CHAC2: variants seen among roughly 807,000 people sequenced by gnomAD.
CHAC2 encodes the protein ChaC glutathione specific gamma-glutamylcyclotransferase 2, also known as glutathione-specific gamma-glutamylcyclotransferase 2.
In CHAC2, 20 loss-of-function variants were observed where a neutral mutation model predicts 16.9. The observed-to-expected ratio is 1.18, with a 90% CI of 0.83 to 1.72. CHAC2 has a LOEUF of 1.72. Among genes scored for constraint, CHAC2 ranks in the 40% most tolerant of loss-of-function variants. The pLI is 0.00. For synonymous variants in CHAC2, 91 were observed against 77.3 expected (o/e 1.18, Z -0.93); for missense variants, 269 against 222.2 (o/e 1.21, Z -1.34).
Position 53,767,878 on chromosome 2 carries a change from C to G in CHAC2, c.-9C>G, listed in dbSNP as rs748378061. On this transcript the variant is annotated 5_prime_UTR_variant, in exon 1 of 3. Transcript: ENST00000295304. ...TTCACGGCCACTGGGGCAGAGGAGC[C>G]GCGAGAAGATGTGGGTTTTTGGTTA... The G allele has an allele frequency of 2.5e-6, 4 of 1,603,308 alleles. No homozygotes were observed. Among genetic ancestry groups the G allele is most frequent in the Non-Finnish European group, 3.4e-6 (4 of 1,175,112 alleles).
In CHAC2 at chr2:53,774,282, C is replaced by T; in HGVS notation, c.312C>T (p.Phe104=). The part of the protein sequence containing the change: ...FYPKDPTTKP[F]SVLLYIGTCD... The stretch of plus-strand genomic sequence containing the variant: ...CAAAAGATCCCACAACAAAACCATT[C>T]AGTGTATTGCTATATATTGGAACAT... Residue 104 remains phenylalanine, a synonymous_variant, in exon 3 of 3, where the codon TTC becomes TTT. Transcript: ENST00000295304. 6.2e-7 allele frequency: 1 copy of T among 1,614,120 alleles called. No individual in the cohort carries two copies. Among genetic ancestry groups the T allele is most frequent in the Non-Finnish European group, 8.5e-7 (1 of 1,180,018 alleles).
At chr2:53,772,222 T>A (rs1673976636) in intron 2 of CHAC2, among the ~76,000 whole-genome samples, 1 of 152,198 alleles carries the variant, frequency 6.6e-6, no homozygotes, top group South Asian at 2.1e-4. Context: ...TCGCCCAGGC[T>A]GGAGTGCAGT....
intron 1 of CHAC2, 36 bp downstream of exon 1, chr2:53,768,057 CCT>C (rs1558571054): frequency 1.2e-5 from 19 of 1,607,182 alleles, no homozygotes; most frequent in East Asian, 2.2e-5. Flanking sequence ...CTTACTGCCC[CCT>C]GACCCCTGCT....
chr2:53,770,448 A>C (rs907677521), intron 1 of CHAC2, among the ~76,000 whole-genome samples: 2 of 149,154 alleles, frequency 1.3e-5, no homozygotes. Context: ...GAATGATGTT[A>C]AGGTATCAGT....
intron 1 of CHAC2, among the ~76,000 whole-genome samples, chr2:53,769,454 A>G (rs1673736981): frequency 6.6e-6 from 1 of 152,252 alleles, no homozygotes; most frequent in Non-Finnish European, 1.5e-5. Flanking sequence ...ACGAAAATGT[A>G]CAGTGTGTTA....
chr2:53,770,136 T>TA (rs988852266), intron 1 of CHAC2, among the ~76,000 whole-genome samples: 20 of 152,250 alleles, frequency 1.3e-4, no homozygotes, highest in African/African-American at 4.8e-4. Flanking sequence ...AGCATCATCT[T>TA]AAAAAGAAAA....
At chr2:53,773,052 CAAA>C (rs1308411448) in intron 2 of CHAC2, among the ~76,000 whole-genome samples, 2 of 152,052 alleles carry the variant, frequency 1.3e-5, no homozygotes, top group African/African-American at 2.4e-5. Context: ...CTTTAATAAA[CAAA>C]AATCAAGCAG....
chr2:53,768,449 T>G (rs1040248354), intron 1 of CHAC2, among the ~76,000 whole-genome samples: 1 of 152,260 alleles, frequency 6.6e-6, no homozygotes, highest in Non-Finnish European at 1.5e-5. Flanking sequence ...TTGGCATTTC[T>G]GCATTCTAGC....
chr2:53,772,456 G>A (rs1573015185), intron 2 of CHAC2, among the ~76,000 whole-genome samples: 1 of 152,048 alleles, frequency 6.6e-6, no homozygotes, highest in African/African-American at 2.4e-5. Context: ...TTACAGGCAT[G>A]AGCCACCGCG....
chr2:53,768,398 T>C (rs1282055245), intron 1 of CHAC2, among the ~76,000 whole-genome samples: 2 of 152,264 alleles, frequency 1.3e-5, no homozygotes, highest in Admixed American at 6.5e-5. Flanking sequence ...GTTGAAATAG[T>C]AAATCAAGTT....
chr2:53,773,656 C>T (rs1002642515), intron 2 of CHAC2, among the ~76,000 whole-genome samples: 1 of 151,830 alleles, frequency 6.6e-6, no homozygotes, highest in Admixed American at 6.6e-5. Context: ...GTCTTCCACT[C>T]CTGACCTCGT....
chr2:53,773,406 A>C (rs1674083787), intron 2 of CHAC2, among the ~76,000 whole-genome samples: 1 of 151,610 alleles, frequency 6.6e-6, no homozygotes, highest in African/African-American at 2.4e-5. Flanking sequence ...GTGCACTTTA[A>C]GTGAAGAAAA....
intron 1 of CHAC2, among the ~76,000 whole-genome samples, chr2:53,768,804 T>C (rs1484888225): frequency 6.6e-6 from 1 of 152,250 alleles, no homozygotes; most frequent in Admixed American, 6.5e-5. Flanking sequence ...TAGCAGCAGC[T>C]CACTGCTTAT....
chr2:53,773,471 C>A (rs1328585460), intron 2 of CHAC2, among the ~76,000 whole-genome samples: 1 of 152,046 alleles, frequency 6.6e-6, no homozygotes, highest in Non-Finnish European at 1.5e-5. Flanking sequence ...CACTCTATAA[C>A]CCAGGCTTGA....
At position 53,774,356 on chromosome 2, in the gene CHAC2, A is replaced by T; in HGVS notation, c.386A>T (p.Glu129Val). Residue 129 changes from glutamate to valine, a missense_variant, in exon 3 of 3, where the codon GAA becomes GTA. Physicochemically the swap from Glu to Val is moderately radical, Grantham distance 121. Coordinates refer to ENST00000295304, the MANE Select transcript of CHAC2 (RefSeq NM_001008708.4). ...LGPAPLEDIAEQIFNAAGPSG... is the reference protein window; with the variant it reads ...LGPAPLEDIAVQIFNAAGPSG... ...CCTGCACCTCTGGAAGACATTGCTG[A>T]ACAAATTTTTAATGCAGCTGGTCCA... 4 of 1,613,374 alleles carry T rather than the reference A, an allele frequency of 2.5e-6. No individual in the cohort carries two copies. Among genetic ancestry groups the T allele is most frequent in the Non-Finnish European group, 3.4e-6 (4 of 1,179,856 alleles).
At position 53,767,916 on chromosome 2, in the gene CHAC2, C is replaced by A. The variant is rs1367554387; in HGVS notation, c.30C>A (p.Ile10=). The A allele has an allele frequency of 6.2e-7, 1 of 1,613,688 alleles. No individual in the cohort carries two copies. The highest frequency in any genetic ancestry group is 8.5e-7 in the Non-Finnish European group (1 of 1,179,848). The change falls in exon 1 of 3, where the codon ATC becomes ATA. Residue 10 remains isoleucine (I), a synonymous_variant. Transcript: ENST00000295304. The stretch of plus-strand genomic sequence containing the variant: ...GGGTTTTTGGTTACGGGTCCCTGAT[C>A]TGGAAGGTGGATTTCCCCTATCAGG... The part of the protein sequence containing the change: MWVFGYGSL[I]WKVDFPYQDK...
rs765803865 is a variant in CHAC2 at position 53,767,979 on chromosome 2, C to T, written c.93C>T (p.Arg31=). The change falls in exon 1 of 3, where the codon CGC becomes CGT. Residue 31 remains arginine, a synonymous_variant. Coordinates refer to ENST00000295304, the MANE Select transcript of CHAC2 (RefSeq NM_001008708.4). ...GATACATCACCAACTACAGCAGGCGCTTCTGGCAGGGCAGCACGGACCACC... is the reference window on the plus strand; with the variant it reads ...GATACATCACCAACTACAGCAGGCGTTTCTGGCAGGGCAGCACGGACCACC... ...LVGYITNYSR[R]FWQGSTDHRG... 2.5e-6 allele frequency: 4 copies of T among 1,614,042 alleles called. No individual in the cohort carries two copies. The East Asian group carries it at 6.7e-5, about 27-fold the overall frequency.
Position 53,767,977 on chromosome 2 carries a change from C to G in CHAC2, c.91C>G (p.Arg31Gly). ...LVGYITNYSR[R>G]FWQGSTDHRG... ...CGGATACATCACCAACTACAGCAGG[C>G]GCTTCTGGCAGGGCAGCACGGACCA... The change falls in exon 1 of 3, where the codon CGC becomes GGC. Residue 31 changes from arginine (R) to glycine (G), a missense_variant. Transcript: ENST00000295304. The G allele has an allele frequency of 6.2e-7, 1 of 1,614,088 alleles. No individual in the cohort carries two copies. Among genetic ancestry groups the G allele is most frequent in the Non-Finnish European group, 8.5e-7 (1 of 1,180,004 alleles).
intron 1 of CHAC2, among the ~76,000 whole-genome samples, chr2:53,771,122 GTC>G (rs1673873502): frequency 6.6e-6 from 1 of 152,168 alleles, no homozygotes; most frequent in South Asian, 2.1e-4. Context: ...GCCTAACAAT[GTC>G]TTTGTCAAGC....
Sources: gnomAD v4.1 joint callset for allele counts (sites outside exome capture counted in the v4.1 genomes callset) on GRCh38, gnomAD v4.1.1 for gene constraint, MANE v1.5 for transcripts, NCBI Gene and HGNC (gene_info 2026-07-23, HGNC 2026-07-21) for gene names.